Variants in CLASP1 observed in about 807,000 individuals in gnomAD.
The protein encoded by CLASP1 is cytoplasmic linker associated protein 1.
In CLASP1, 38 loss-of-function variants were observed where a neutral mutation model predicts 192.3. The ratio of observed to expected loss-of-function variants is 0.20; its 90% CI spans 0.15 to 0.26. CLASP1 has a LOEUF of 0.26. Ranked by LOEUF, CLASP1 falls within the 10% of genes least tolerant of loss-of-function variation. The pLI is 1.00. For missense variants in CLASP1, 1,433 were observed against 1,932.5 expected, an observed-to-expected ratio of 0.74 and a Z score of 4.85; for synonymous variants, 691 against 712.8, an observed-to-expected ratio of 0.97 and a Z score of 0.49.
At chr2:121,465,761 C>T (rs1487820487) in intron 9 of CLASP1, among the ~76,000 whole-genome samples, 2 of 152,248 alleles carry the variant, frequency 1.3e-5, no homozygotes, top group African/African-American at 4.8e-5. Context: ...CGCTACCTGA[C>T]TTCAGACTAT....
chr2:121,560,774 G>A (rs901317415), intron 2 of CLASP1, among the ~76,000 whole-genome samples: 2 of 151,994 alleles, frequency 1.3e-5, no homozygotes, highest in African/African-American at 4.8e-5. Flanking sequence ...TTTTGTTTTC[G>A]CCCAAGCTAG....
chr2:121,526,595 G>A (rs2094580744), intron 5 of CLASP1, among the ~76,000 whole-genome samples: 1 of 151,874 alleles, frequency 6.6e-6, no homozygotes, highest in South Asian at 2.1e-4. Flanking sequence ...GTTACATATG[G>A]CCAAATTTAA....
intron 1 of CLASP1, among the ~76,000 whole-genome samples, chr2:121,634,541 T>G (rs1198079137): frequency 6.6e-6 from 1 of 152,208 alleles, no homozygotes; most frequent in Non-Finnish European, 1.5e-5. Context: ...CATGACTCCA[T>G]AAAATCAGTA....
intron 8 of CLASP1, among the ~76,000 whole-genome samples, chr2:121,492,107 A>G (rs982488564): frequency 1.3e-5 from 2 of 152,204 alleles, no homozygotes; most frequent in Non-Finnish European, 2.9e-5. Flanking sequence ...AAGACACTTA[A>G]AAGTGAAAAG....
At chr2:121,580,897 C>T (rs1350823948) in intron 2 of CLASP1, among the ~76,000 whole-genome samples, 1 of 152,112 alleles carries the variant, frequency 6.6e-6, no homozygotes, top group Non-Finnish European at 1.5e-5. Context: ...GAAAAAATAT[C>T]GTTCATATCA....
chr2:121,442,668 C>A (rs558253324), intron 19 of CLASP1, among the ~76,000 whole-genome samples: 2 of 151,954 alleles, frequency 1.3e-5, no homozygotes, highest in Non-Finnish European at 2.9e-5. Flanking sequence ...TTAATAGAGA[C>A]GGGGTTTCAC....
At chr2:121,423,224 C>T (rs752847107) in intron 22 of CLASP1, among the ~76,000 whole-genome samples, 15 of 152,190 alleles carry the variant, frequency 9.9e-5, no homozygotes, top group Middle Eastern at 3.4e-3. Flanking sequence ...AAGCTCTACA[C>T]GTAACTGATC....
At chr2:121,478,970 CA>C (rs2092295690) in intron 8 of CLASP1, among the ~76,000 whole-genome samples, 2 of 74,370 alleles carry the variant, frequency 2.7e-5, no homozygotes, top group South Asian at 1.1e-3. Flanking sequence ...ACACCACACA[CA>C]CCACACACAC....
intron 32 of CLASP1, among the ~76,000 whole-genome samples, chr2:121,384,474 C>G (rs1252418810): frequency 6.6e-6 from 1 of 152,082 alleles, no homozygotes; most frequent in Non-Finnish European, 1.5e-5. Context: ...AGGCATCAGT[C>G]ACGGTGTCCA....
intron 2 of CLASP1, among the ~76,000 whole-genome samples, chr2:121,596,229 G>A (rs2063129409): frequency 6.6e-6 from 1 of 152,150 alleles, no homozygotes; most frequent in Non-Finnish European, 1.5e-5. Context: ...GCTGCTAACT[G>A]TAGCTTTTCT....
chr2:121,520,074 G>A (rs546888138), intron 6 of CLASP1, among the ~76,000 whole-genome samples: 7 of 152,278 alleles, frequency 4.6e-5, no homozygotes, highest in Admixed American at 1.3e-4. Flanking sequence ...GGTCTCCAAC[G>A]TCTGACCATG....
In CLASP1 at chr2:121,559,271, T is replaced by G. The variant is rs569273643; in HGVS notation, c.196-28946A>C. Among the ~76,000 whole-genome samples the G allele has an allele frequency of 3.9e-5, 6 of 152,296 alleles. No individual in the cohort carries two copies. In the South Asian group the frequency reaches 1.2e-3, roughly 32 times the overall value. ...TGGGATTATAAAATAATGTAGCCAC[T>G]CTGGAAAACAATCTAGCAGTTCCCC... is the stretch of plus-strand genomic sequence containing the variant. On this transcript the variant is annotated intron_variant, in intron 2 of 39. Coordinates refer to ENST00000263710, the Ensembl canonical transcript of CLASP1.
At chr2:121,524,845 G>A (rs2094537552) in intron 6 of CLASP1, among the ~76,000 whole-genome samples, 2 of 152,222 alleles carry the variant, frequency 1.3e-5, no homozygotes, top group Admixed American at 6.5e-5. Context: ...GCAGTGAGGA[G>A]GGGAGAGGCT....
intron 34 of CLASP1, among the ~76,000 whole-genome samples, chr2:121,373,162 T>C (rs2069126423): frequency 6.6e-6 from 1 of 152,184 alleles, no homozygotes; most frequent in Admixed American, 6.5e-5. Context: ...GCTGTTCTCA[T>C]GATAGTGAGT....
chr2:121,475,837 G>A (rs1297855806), intron 8 of CLASP1, among the ~76,000 whole-genome samples: 1 of 152,128 alleles, frequency 6.6e-6, no homozygotes, highest in Non-Finnish European at 1.5e-5. Context: ...TGCCATGGGA[G>A]GGCCACTTCT....
At chr2:121,630,839 A>G (rs1248818410) in intron 1 of CLASP1, among the ~76,000 whole-genome samples, 2 of 144,614 alleles carry the variant, frequency 1.4e-5, no homozygotes, top group Admixed American at 1.4e-4. Context: ...CAGCCTGGAC[A>G]ACAAGAGCGA....
intron 1 of CLASP1, among the ~76,000 whole-genome samples, chr2:121,624,004 G>A (rs983623843): frequency 2.0e-5 from 3 of 152,080 alleles, no homozygotes; most frequent in African/African-American, 7.2e-5. Flanking sequence ...AAGGTCAGTA[G>A]TGATGTCCCT....
chr2:121,394,485 G>C (rs2074944623), intron 30 of CLASP1, among the ~76,000 whole-genome samples: 1 of 152,178 alleles, frequency 6.6e-6, no homozygotes, highest in East Asian at 1.9e-4. Flanking sequence ...ATCTTATTGA[G>C]GAACTTGTGC....
chr2:121,493,664 AAT>A (rs1276502484), intron 8 of CLASP1, among the ~76,000 whole-genome samples: 2 of 152,210 alleles, frequency 1.3e-5, no homozygotes, highest in African/African-American at 4.8e-5. Context: ...CAACCCACAA[AAT>A]GCAAGAAAAT....
Sources: gnomAD v4.1 joint callset for allele counts (sites outside exome capture counted in the v4.1 genomes callset) on GRCh38, gnomAD v4.1.1 for gene constraint, MANE v1.5 for transcripts, NCBI Gene and HGNC (gene_info 2026-07-23, HGNC 2026-07-21) for gene names.